Variants in CNPPD1 observed in about 807,000 individuals in gnomAD.
The protein encoded by CNPPD1 is cyclin Pas1/PHO80 domain containing 1.
In CNPPD1, 40 loss-of-function variants were observed where a neutral mutation model predicts 43.7. The observed-to-expected ratio is 0.92, with a 90% CI of 0.71 to 1.19. CNPPD1 has a LOEUF of 1.19. Ranked by LOEUF, CNPPD1 falls within the 50% of genes most tolerant of loss-of-function variation. The pLI is 0.00. For missense variants in CNPPD1, 511 were observed against 518.5 expected (o/e 0.99, Z 0.14); for synonymous variants, 208 against 214.3 (o/e 0.97, Z 0.26).
Position 219,175,573 on chromosome 2 carries a change from C to T in CNPPD1, c.260+18G>A. ...TAGGGCCCAAACACTCTCATCCTAT[C>T]CTCATTTCCAGGCTCACCGGGACAC... On this transcript the variant is annotated intron_variant, in intron 3 of 7. Transcript: ENST00000360507. 1.2e-6 allele frequency: 2 copies of T among 1,603,526 alleles called. No homozygotes were observed. The highest frequency in any genetic ancestry group is 8.5e-7 in the Non-Finnish European group (1 of 1,170,290).
At chr2:219,174,456 G>A (rs921156624) in intron 5 of CNPPD1, among the ~76,000 whole-genome samples, 1 of 152,200 alleles carries the variant, frequency 6.6e-6, no homozygotes, top group Non-Finnish European at 1.5e-5. Flanking sequence ...TGTCCACAGG[G>A]AGCTAAACAT....
rs1950096786 is a variant in CNPPD1 at position 219,172,934 on chromosome 2, G to A, written c.885C>T (p.Val295=). The A allele has an allele frequency of 6.2e-7, 1 of 1,613,572 alleles. No homozygotes were observed. Among genetic ancestry groups the A allele is most frequent in the South Asian group, 1.1e-5 (1 of 91,032 alleles). ...CCATGCTGCCTTCCAGGCAGCTGGAGACATTAGCGAGAGACGGCAGGCATT... is the reference window on the plus strand; with the variant it reads ...CCATGCTGCCTTCCAGGCAGCTGGAAACATTAGCGAGAGACGGCAGGCATT... ...VPQCLPSLAN[V]SSCLEGSMGL... The change falls in exon 8 of 8, where the codon GTC becomes GTT. Residue 295 remains valine, a synonymous_variant. Transcript: ENST00000360507.
In CNPPD1 at chr2:219,176,250, G is replaced by C. The variant is rs139402954; in HGVS notation, c.151C>G (p.Leu51Val). Residue 51 changes from leucine (L) to valine (V), a missense_variant, in exon 2 of 8, where the codon CTG becomes GTG. Coordinates refer to ENST00000360507, the MANE Select transcript of CNPPD1 (RefSeq NM_015680.6). The stretch of plus-strand genomic sequence containing the variant: ...GCCACCGGGCTGGAGAGCTCCTCCA[G>C]GCTACAGTCGGCTTCCCAGTCCCAG... ...YGWDWEADCS[L>V]EELSSPVADI... 2.2e-4 allele frequency: 359 copies of C among 1,614,040 alleles called. 3 individuals are homozygous for C. In the African/African-American group the frequency reaches 4.1e-3, roughly 18 times the overall value.
upstream of CNPPD1, chr2:219,177,692 A>G (rs990914653): frequency 6.6e-6 from 1 of 152,100 alleles, no homozygotes. Flanking sequence ...TTGTGTTGAA[A>G]CCCACCTCCC....
At chr2:219,177,095 G>T (rs538552584), upstream of CNPPD1, 20 of 397,458 alleles carry the variant, frequency 5.0e-5, no homozygotes, top group African/African-American at 4.2e-4. Context: ...GCGTCCGTGC[G>T]ACGCTCACCT....
At chr2:219,176,498 TCC>T in intron 1 of CNPPD1, 167 bp from the exon 2 acceptor site, 1 of 590,870 alleles carries the variant, frequency 1.7e-6, no homozygotes, top group Admixed American at 3.1e-5. Flanking sequence ...GGCAGCCTGG[TCC>T]ATAGAGGGAG....
intron 5 of CNPPD1, 39 bp downstream of exon 5, chr2:219,174,739 G>A (rs758625585): frequency 1.3e-6 from 2 of 1,542,022 alleles, no homozygotes; most frequent in Non-Finnish European, 1.7e-6. Flanking sequence ...GTTAAAGATG[G>A]GCCAGGGAAA....
upstream of CNPPD1, chr2:219,177,218 T>A: frequency 5.6e-6 from 1 of 177,170 alleles, no homozygotes; most frequent in Non-Finnish European, 1.2e-5. Context: ...TGGCACTTCC[T>A]GCCGCCCATC....
At chr2:219,175,285 C>T (rs1950140931) in intron 3 of CNPPD1, among the ~76,000 whole-genome samples, 177 bp from the exon 4 acceptor site, 1 of 152,056 alleles carries the variant, frequency 6.6e-6, no homozygotes, top group South Asian at 2.1e-4. Flanking sequence ...TGGACTGACA[C>T]CAGGAGTTTG....
Position 219,176,207 on chromosome 2 carries a change from CACA to C in CNPPD1, c.178+13_178+15del, listed in dbSNP as rs1950155715. 1 of 1,586,742 alleles carries C rather than the reference CACA, an allele frequency of 6.3e-7. No individual in the cohort carries two copies. Among genetic ancestry groups the C allele is most frequent in the African/African-American group, 1.3e-5 (1 of 74,478 alleles). On this transcript the variant is annotated intron_variant, in intron 2 of 7. Transcript: ENST00000360507. ...TTCATGCTTCTCACTTGTCCAGTCA[CACA>C]ACACTGCCTAACCTGCCACCGGGCT...
rs1950088269 is a variant in CNPPD1, at chr2:219,172,620, A to G, written c.1199T>C (p.Leu400Pro). The G allele has an allele frequency of 6.2e-6, 10 of 1,614,208 alleles. No homozygotes were observed. The East Asian group carries it at 2.2e-4, about 36-fold the overall frequency. ...QQCSLFSVME[L>P]ARLKSFVFPG is the part of the protein sequence containing the mutation. ...GAAAACGAAAGACTTGAGGCGAGCC[A>G]GCTCCATGACACTGAAAAGGGAACA... The change falls in exon 8 of 8, where the codon CTG becomes CCG. Residue 400 changes from leucine (L) to proline (P), a missense_variant. Coordinates refer to ENST00000360507, the MANE Select transcript of CNPPD1 (RefSeq NM_015680.6).
chr2:219,176,884 G>T lies in CNPPD1; in HGVS notation c.-56C>A. 6.9e-7 allele frequency: 1 copy of T among 1,439,720 alleles called. No homozygotes were observed. The highest frequency in any genetic ancestry group is 9.5e-7 in the Non-Finnish European group (1 of 1,051,428). 89.2% of individuals were successfully genotyped at this position (1,439,720 alleles called of 1,614,324 possible). A position where few individuals can be genotyped will look rare whatever the true frequency, so the allele number is the denominator to read the frequency against. ...AACGGAAGGAAACGAGTTGTAGGGGGCTCGCGGAGCTGTCCTTGCCCGCCT... is the reference window on the plus strand; with the variant it reads ...AACGGAAGGAAACGAGTTGTAGGGGTCTCGCGGAGCTGTCCTTGCCCGCCT... On this transcript the variant is annotated 5_prime_UTR_variant, in exon 1 of 8. Coordinates refer to ENST00000360507, the MANE Select transcript of CNPPD1 (RefSeq NM_015680.6).
chr2:219,175,633 G>A lies in CNPPD1; in HGVS notation c.218C>T (p.Pro73Leu). The change falls in exon 3 of 8, where the codon CCT becomes CTT. Residue 73 changes from proline to leucine, a missense_variant. Physicochemically the swap from Pro to Leu is moderately conservative, Grantham distance 98 (BLOSUM62 -3). Transcript: ENST00000360507. ...VELLQKAAPS[P>L]IRRLQKKYVA... The stretch of plus-strand genomic sequence containing the variant: ...ATATTTCTTCTGGAGTCGGCGAATA[G>A]GGCTGGGGGCTGCCTTCTGGAGCAG... The A allele has an allele frequency of 1.9e-6, 3 of 1,614,018 alleles. No individual in the cohort carries two copies. The highest frequency in any genetic ancestry group is 2.2e-5 in the South Asian group (2 of 91,070).
chr2:219,175,982 C>A (rs150912584), intron 2 of CNPPD1, among the ~76,000 whole-genome samples: 157 of 152,248 alleles, frequency 1.0e-3, no homozygotes, highest in African/African-American at 3.1e-3. Flanking sequence ...GGATATCCTT[C>A]GAAAATTAGC....
chr2:219,174,914 G>A lies in CNPPD1; in HGVS notation c.382-8C>T. 1 of 1,614,176 alleles carries A rather than the reference G, an allele frequency of 6.2e-7. No homozygotes were observed. Among genetic ancestry groups the A allele is most frequent in the Non-Finnish European group, 8.5e-7 (1 of 1,180,040 alleles). On this transcript the variant is annotated splice_region_variant and splice_polypyrimidine_tract_variant and intron_variant, in intron 4 of 7. Transcript: ENST00000360507. ...GTACTTACTGGCCACCATCTGCAGA[G>A]GAACCAGAAGTGGTGGAGCAGAGCT...
At chr2:219,177,938 G>A (rs1466213930), upstream of CNPPD1, 1 of 153,146 alleles carries the variant, frequency 6.5e-6, no homozygotes, top group Non-Finnish European at 1.5e-5. Context: ...CGAGCGAGCA[G>A]AAGCAGACCC....
upstream of CNPPD1, chr2:219,176,934 G>C (rs1182808697): frequency 3.0e-6 from 3 of 986,130 alleles, no homozygotes; most frequent in Admixed American, 2.8e-5. Context: ...CTGCCTCCCC[G>C]GGGCGGGCCG....
In CNPPD1 at chr2:219,174,810, TGA is replaced by T. The variant is rs767400089; in HGVS notation, c.476_477del (p.Leu159GlnfsTer18). The T allele has an allele frequency of 1.9e-6, 3 of 1,611,710 alleles. No individual in the cohort carries two copies. The highest frequency in any genetic ancestry group is 2.5e-6 in the Non-Finnish European group (3 of 1,178,488). On this transcript the variant is annotated frameshift_variant, in exon 5 of 8. Transcript: ENST00000360507. LOFTEE classifies it high-confidence loss of function. ...GAAGGVAVPT[L>X]NALERGFLSA... ...CTCAGGAAGCCCCTCTCCAAGGCAT[TGA>T]GAGTGGGCACGGCCACACCCCCAGC...
At chr2:219,175,759 CTG>C (rs1364811975) in intron 2 of CNPPD1, 87 bp from the exon 3 acceptor site, 1 of 1,126,540 alleles carries the variant, frequency 8.9e-7, no homozygotes, top group Non-Finnish European at 1.3e-6. Context: ...AGACCCAGAT[CTG>C]TATTTTCTGA....
Sources: gnomAD v4.1 joint callset for allele counts (sites outside exome capture counted in the v4.1 genomes callset) on GRCh38, gnomAD v4.1.1 for gene constraint, MANE v1.5 for transcripts, NCBI Gene and HGNC (gene_info 2026-07-23, HGNC 2026-07-21) for gene names.